BFSP2: variants seen among roughly 807,000 people sequenced by gnomAD.
BFSP2 encodes beaded filament structural protein 2, also known as phakinin.
A neutral mutation model predicts 44.9 loss-of-function variants in BFSP2; 38 were observed. The ratio of observed to expected loss-of-function variants is 0.85; its 90% CI spans 0.65 to 1.11. BFSP2 has a LOEUF of 1.11. Among genes scored for constraint, BFSP2 ranks in the 50% least tolerant of loss-of-function variants. The pLI is 0.00. For missense variants in BFSP2, 525 were observed against 533.0 expected, an observed-to-expected ratio of 0.99 and a Z score of 0.15; for synonymous variants, 197 against 209.9, an observed-to-expected ratio of 0.94 and a Z score of 0.53.
chr3:133,402,997 A>G (rs2073374342), intron 1 of BFSP2, among the ~76,000 whole-genome samples: 1 of 152,028 alleles, frequency 6.6e-6, no homozygotes, highest in African/African-American at 2.4e-5. Context: ...ATTAAACTCT[A>G]TTCCATCAAG....
intron 1 of BFSP2, among the ~76,000 whole-genome samples, chr3:133,445,045 G>A: frequency 6.6e-6 from 1 of 152,202 alleles, no homozygotes; most frequent in East Asian, 1.9e-4. Context: ...TCCTACAGTA[G>A]CGGCTGGTTT....
At chr3:133,431,753 A>G (rs894690352) in intron 1 of BFSP2, among the ~76,000 whole-genome samples, 11 of 152,196 alleles carry the variant, frequency 7.2e-5, no homozygotes, top group Middle Eastern at 3.4e-3. Context: ...CCTTGCCTCC[A>G]TAACTGTTGT....
Position 133,472,482 on chromosome 3 carries a change from G to A in BFSP2, c.1161G>A (p.Glu387=), listed in dbSNP as rs747506203. ...IRAEAEQQQQ[E]RAHLLARKCQ... Reference sequence around the variant, plus strand: ...CGGAGGCGGAGCAGCAGCAACAGGAGCGCGCGCATCTGCTGGCCCGCAAGT... The same window carrying A: ...CGGAGGCGGAGCAGCAGCAACAGGAACGCGCGCATCTGCTGGCCCGCAAGT... The change falls in exon 6 of 7, where the codon GAG becomes GAA. Residue 387 remains glutamate, a synonymous_variant. Transcript: ENST00000302334. 1.2e-6 allele frequency: 2 copies of A among 1,613,630 alleles called. No individual in the cohort carries two copies. Among genetic ancestry groups the A allele is most frequent in the Admixed American group, 1.7e-5 (1 of 60,000 alleles).
chr3:133,454,410 A>G (rs959376617), intron 4 of BFSP2, among the ~76,000 whole-genome samples: 1 of 152,226 alleles, frequency 6.6e-6, no homozygotes, highest in African/African-American at 2.4e-5. Context: ...TTCCACACCA[A>G]GCAGATCTCC....
intron 1 of BFSP2, among the ~76,000 whole-genome samples, chr3:133,416,552 C>A (rs762868116): frequency 8.2e-5 from 12 of 146,808 alleles, no homozygotes; most frequent in Non-Finnish European, 1.1e-4. Context: ...CCTCTATACA[C>A]CCTGCCATCT....
At chr3:133,408,388 CA>C (rs1165568549) in intron 1 of BFSP2, among the ~76,000 whole-genome samples, 1 of 152,180 alleles carries the variant, frequency 6.6e-6, no homozygotes, top group Non-Finnish European at 1.5e-5. Flanking sequence ...GGGAAACAGG[CA>C]AGTTTATACA....
At chr3:133,433,437 G>A (rs943994943) in intron 1 of BFSP2, among the ~76,000 whole-genome samples, 13 of 152,146 alleles carry the variant, frequency 8.5e-5, no homozygotes, top group Admixed American at 4.6e-4. Context: ...CTACTCATCA[G>A]GGATTATTCA....
At chr3:133,419,164 C>A in intron 1 of BFSP2, among the ~76,000 whole-genome samples, 1 of 152,176 alleles carries the variant, frequency 6.6e-6, no homozygotes, top group Admixed American at 6.5e-5. Flanking sequence ...CTCAGAAGGG[C>A]ACCAGGCATC....
intron 1 of BFSP2, among the ~76,000 whole-genome samples, chr3:133,401,839 C>T (rs766017936): frequency 3.1e-4 from 47 of 152,166 alleles, no homozygotes; most frequent in Non-Finnish European, 3.5e-4. Flanking sequence ...CACACAGGGA[C>T]TCCCCATTTG....
At chr3:133,416,928 T>TCTCCCCTCTA (rs2073539505) in intron 1 of BFSP2, among the ~76,000 whole-genome samples, 1 of 75,666 alleles carries the variant, frequency 1.3e-5, no homozygotes, top group South Asian at 5.5e-4. Flanking sequence ...TCACCCGTCC[T>TCTCCCCTCTA]CTGCCCTCTA....
intron 4 of BFSP2, among the ~76,000 whole-genome samples, chr3:133,462,518 T>C (rs577981929): frequency 1.3e-5 from 2 of 152,342 alleles, no homozygotes; most frequent in African/African-American, 4.8e-5. Flanking sequence ...CTTTGAAACT[T>C]GCCTCCATTC....
chr3:133,466,861 CAGG>C lies in BFSP2; in HGVS notation c.931_933del (p.Glu311del). 6.2e-7 allele frequency: 1 copy of C among 1,613,844 alleles called. No homozygotes were observed. Among genetic ancestry groups the C allele is most frequent in the South Asian group, 1.1e-5 (1 of 91,056 alleles). On this transcript the variant is annotated inframe_deletion, in exon 5 of 7. Coordinates refer to ENST00000302334, the MANE Select transcript of BFSP2 (RefSeq NM_003571.4). The stretch of plus-strand genomic sequence containing the variant: ...GGAGGTGGCCCACATGTCCCAGACC[CAGG>C]AGGAGAAGCTGGCAGCTGCCCTCAG...
At chr3:133,450,834 G>T (rs1473821745) in intron 4 of BFSP2, among the ~76,000 whole-genome samples, 1 of 152,114 alleles carries the variant, frequency 6.6e-6, no homozygotes, top group African/African-American at 2.4e-5. Flanking sequence ...AATTGAGGCC[G>T]GGCGTGGTAG....
chr3:133,414,173 T>C (rs1359991405), intron 1 of BFSP2, among the ~76,000 whole-genome samples: 1 of 103,450 alleles, frequency 9.7e-6, no homozygotes, highest in Non-Finnish European at 1.9e-5. Flanking sequence ...TACTCACCCC[T>C]GCCCTCTCTC....
chr3:133,468,296 C>T (rs1203595591), intron 5 of BFSP2, among the ~76,000 whole-genome samples: 1 of 152,154 alleles, frequency 6.6e-6, no homozygotes, highest in South Asian at 2.1e-4. Flanking sequence ...GTGCTCTCCT[C>T]ACTCACTAGC....
At chr3:133,464,327 C>T (rs2074090013) in intron 4 of BFSP2, among the ~76,000 whole-genome samples, 2 of 152,296 alleles carry the variant, frequency 1.3e-5, no homozygotes, top group East Asian at 3.9e-4. Context: ...GGGCTGGAAT[C>T]CTCTTTCTGT....
intron 1 of BFSP2, among the ~76,000 whole-genome samples, chr3:133,417,143 T>C (rs1576563810): frequency 1.6e-5 from 1 of 62,132 alleles, no homozygotes. Context: ...CCCTGCCCTC[T>C]CCCCTCTCTC....
At chr3:133,469,314 T>A (rs1399003671) in intron 5 of BFSP2, among the ~76,000 whole-genome samples, 2 of 152,224 alleles carry the variant, frequency 1.3e-5, no homozygotes, top group African/African-American at 4.8e-5. Flanking sequence ...ATCCAGCCAT[T>A]CCTGTTATTC....
intron 4 of BFSP2, among the ~76,000 whole-genome samples, chr3:133,452,184 A>C (rs2107928120): frequency 6.6e-6 from 1 of 152,324 alleles, no homozygotes; most frequent in South Asian, 2.1e-4. Context: ...AAGCTATGAA[A>C]AGAAAAATAG....
Sources: allele counts gnomAD v4.1 joint callset (sites outside exome capture counted in the v4.1 genomes callset), GRCh38; gene constraint gnomAD v4.1.1; transcripts MANE v1.5; gene names NCBI Gene and HGNC (gene_info 2026-07-23, HGNC 2026-07-21).